Variants in PGAP2 observed in about 807,000 individuals in gnomAD.
PGAP2 encodes the protein acyltransferase PGAP2.
A neutral mutation model predicts 33.2 loss-of-function variants in PGAP2; 21 were observed. That is an observed-to-expected ratio of 0.63 (90% CI 0.45 to 0.91). The LOEUF is 0.91. Ranked by LOEUF, PGAP2 falls within the 40% of genes least tolerant of loss-of-function variation. PGAP2 has a pLI of 0.00. For missense variants in PGAP2, 345 were observed against 424.0 expected (o/e 0.81, Z 1.64); for synonymous variants, 161 against 172.9 (o/e 0.93, Z 0.54).
At chr11:3,818,551 T>G (rs1277399193) in intron 3 of PGAP2, among the ~76,000 whole-genome samples, 1 of 152,116 alleles carries the variant, frequency 6.6e-6, no homozygotes, top group East Asian at 1.9e-4. Flanking sequence ...CATCCTCAGC[T>G]CTGATCTGGA....
intron 1 of PGAP2, among the ~76,000 whole-genome samples, chr11:3,802,076 CTTTT>C (rs3061897): frequency 3.6e-5 from 5 of 137,158 alleles, no homozygotes; most frequent in East Asian, 2.1e-4. Context: ...TTTCCTTTTC[CTTTT>C]TTTTTTTTTT....
intron 1 of PGAP2, chr11:3,798,077 G>A: frequency 6.7e-7 from 1 of 1,500,172 alleles, no homozygotes; most frequent in Non-Finnish European, 8.8e-7. Flanking sequence ...GACCACGTGC[G>A]GAGCCTGAGG....
At chr11:3,822,159 T>C (rs930090472) in intron 3 of PGAP2, among the ~76,000 whole-genome samples, 2 of 148,924 alleles carry the variant, frequency 1.3e-5, no homozygotes, top group African/African-American at 5.0e-5. Context: ...GGTCAGGAGA[T>C]TGAGACCATC....
At chr11:3,801,641 C>CAAAAA (rs772606488) in intron 1 of PGAP2, among the ~76,000 whole-genome samples, 1,337 of 76,116 alleles carry the variant, frequency 0.018, 51 homozygotes, top group African/African-American at 0.022. Flanking sequence ...GACTCCATCT[C>CAAAAA]AAAAAAAAAA....
chr11:3,811,274 A>T lies in PGAP2; in HGVS notation c.15A>T (p.Pro5=). 6.2e-7 allele frequency: 1 copy of T among 1,613,680 alleles called. No homozygotes were observed. Among genetic ancestry groups the T allele is most frequent in the Non-Finnish European group, 8.5e-7 (1 of 1,179,710 alleles). Residue 5 remains proline, a synonymous_variant, in exon 2 of 7, where the codon CCA becomes CCT. Transcript: ENST00000278243. This position sits in a 1 kb window ranked among gnomAD's most constrained non-coding sequence, Gnocchi z 4.6. MYQV[P]LPLDRDGTLV... ...GGTCTGACAAGATGTACCAGGTCCC[A>T]CTACCACTGGATCGGGATGGGACCC... is the stretch of plus-strand genomic sequence containing the variant.
chr11:3,813,066 T>C (rs1038832562), intron 2 of PGAP2, among the ~76,000 whole-genome samples: 5 of 152,192 alleles, frequency 3.3e-5, no homozygotes, highest in African/African-American at 1.2e-4. Flanking sequence ...ATGTCTTCCC[T>C]ATCCTCCTTG....
chr11:3,810,614 A>T (rs1318682595), intron 1 of PGAP2, among the ~76,000 whole-genome samples: 5 of 152,176 alleles, frequency 3.3e-5, no homozygotes, highest in Admixed American at 3.3e-4. Flanking sequence ...CCAGGCTAGC[A>T]CCAGGCCTGA....
intron 2 of PGAP2, among the ~76,000 whole-genome samples, chr11:3,813,744 G>A (rs2086120318): frequency 6.6e-6 from 1 of 152,128 alleles, no homozygotes; most frequent in African/African-American, 2.4e-5. Context: ...GGGAAAGGAA[G>A]GCATGGTATA....
chr11:3,825,023 C>A lies in PGAP2; in HGVS notation c.712C>A (p.Arg238Ser). The A allele has an allele frequency of 3.7e-6, 6 of 1,614,126 alleles. No individual in the cohort carries two copies. The highest frequency in any genetic ancestry group is 5.1e-6 in the Non-Finnish European group (6 of 1,180,000). Residue 238 changes from arginine (R) to serine (S), a missense_variant, in exon 6 of 7, where the codon CGC (arginine) becomes AGC (serine). Coordinates refer to ENST00000278243, the MANE Select transcript of PGAP2 (RefSeq NM_014489.4). Reference sequence around the variant, plus strand: ...GATCAGACAGCCCATTCCCTAGGATCGCAAGTCCTACAGCTGGAAACAGCG... The same window carrying A: ...GATCAGACAGCCCATTCCCTAGGATAGCAAGTCCTACAGCTGGAAACAGCG... ...TKKHTVSQED[R>S]KSYSWKQRLF...
chr11:3,806,905 C>T (rs2134233020), upstream of PGAP2, among the ~76,000 whole-genome samples: 1 of 152,092 alleles, frequency 6.6e-6, no homozygotes, highest in South Asian at 2.1e-4. Flanking sequence ...CCTGTATTCC[C>T]AGCTACCCGG....
At chr11:3,823,178 G>A (rs980601075) in intron 3 of PGAP2, among the ~76,000 whole-genome samples, 2 of 151,712 alleles carry the variant, frequency 1.3e-5, no homozygotes, top group African/African-American at 4.8e-5. Context: ...TGGGACTACG[G>A]GCGCTGGCCA....
chr11:3,818,947 G>T (rs2087815365), intron 3 of PGAP2, among the ~76,000 whole-genome samples: 1 of 152,202 alleles, frequency 6.6e-6, no homozygotes, highest in South Asian at 2.1e-4. Flanking sequence ...GGCTCTTTGT[G>T]AATGCCAGGC....
At chr11:3,805,422 C>T (rs942269537), upstream of PGAP2, among the ~76,000 whole-genome samples, 12 of 151,428 alleles carry the variant, frequency 7.9e-5, no homozygotes, top group Non-Finnish European at 1.6e-4. Flanking sequence ...CCACCACACC[C>T]AGCTAGTTTT....
intron 5 of PGAP2, 76 bp from the exon 6 acceptor site, chr11:3,824,944 G>A (rs1377931423): frequency 6.3e-6 from 10 of 1,598,332 alleles, no homozygotes; most frequent in Admixed American, 3.4e-5. Flanking sequence ...CCAGCCCTTA[G>A]GAGTTAGGGC....
At chr11:3,807,457 G>T (rs1442942708), upstream of PGAP2, among the ~76,000 whole-genome samples, 1 of 150,806 alleles carries the variant, frequency 6.6e-6, no homozygotes, top group African/African-American at 2.4e-5. Flanking sequence ...ACGGGCGCCC[G>T]CCACCGTGCC....
upstream of PGAP2, among the ~76,000 whole-genome samples, chr11:3,803,954 C>T (rs1055779317): frequency 3.3e-5 from 5 of 151,878 alleles, no homozygotes; most frequent in Admixed American, 2.0e-4. Context: ...CCACGCCTGG[C>T]TAATTTTTGC....
chr11:3,798,923 G>A (rs1212321503), intron 1 of PGAP2, among the ~76,000 whole-genome samples: 2 of 152,138 alleles, frequency 1.3e-5, no homozygotes, highest in African/African-American at 2.4e-5. Flanking sequence ...CCTTACAGGC[G>A]TGAGCCACCG....
At chr11:3,803,797 A>T (rs11029838), upstream of PGAP2, among the ~76,000 whole-genome samples, 30,836 of 144,786 alleles carry the variant, frequency 0.21, 3,608 homozygotes, top group East Asian at 0.27. Flanking sequence ...ATATATATAT[A>T]TTTTTTTTTT....
rs1335916374 is a variant in PGAP2, at chr11:3,824,358, G to T, written c.690G>T (p.Lys230Asn). The stretch of plus-strand genomic sequence containing the variant: ...GCATTCTCTGGCGGTTGACCAAGAA[G>T]CACACAGTAAGTCAGGAGGTACGGT... Reference protein sequence around the residue: ...LTCILWRLTKKHTVSQEDRKS... With the variant: ...LTCILWRLTKNHTVSQEDRKS... Residue 230 changes from lysine (K) to asparagine (N), a missense_variant, in exon 5 of 7, where the codon AAG becomes AAT. Physicochemically the swap from Lys to Asn is moderately conservative, Grantham distance 94. Around this residue, in one of 2 missense-constraint regions of PGAP2, gnomAD observed 311 missense variants for 353.6 expected, o/e 0.88. Coordinates refer to ENST00000278243, the MANE Select transcript of PGAP2 (RefSeq NM_014489.4). 6.2e-7 allele frequency: 1 copy of T among 1,614,234 alleles called. No individual in the cohort carries two copies. Among genetic ancestry groups the T allele is most frequent in the Non-Finnish European group, 8.5e-7 (1 of 1,180,024 alleles).
Sources: allele counts gnomAD v4.1 joint callset (sites outside exome capture counted in the v4.1 genomes callset), GRCh38; gene constraint gnomAD v4.1.1; regional missense constraint gnomAD v4.1.1; non-coding constraint Gnocchi (gnomAD v3.1); transcripts MANE v1.5; gene names NCBI Gene and HGNC (gene_info 2026-07-23, HGNC 2026-07-21).